Variants in EFHB observed in about 807,000 individuals in gnomAD.
EFHB encodes EF-hand domain-containing family member B.
A neutral mutation model predicts 87.2 loss-of-function variants in EFHB; 91 were observed. The ratio of observed to expected loss-of-function variants is 1.04; its 90% confidence interval spans 0.88 to 1.24. The LOEUF is 1.24. Ranked by LOEUF, EFHB falls within the 50% of genes most tolerant of loss-of-function variation. EFHB has a pLI of 0.00. For missense variants in EFHB, 1,084 were observed against 998.8 expected, an observed-to-expected ratio of 1.09 and a Z score of -1.15; for synonymous variants, 325 against 333.6, an observed-to-expected ratio of 0.97 and a Z score of 0.28.
Position 19,918,335 on chromosome 3 carries a change from A to C in EFHB, c.1074T>G (p.Leu358=). The part of the protein sequence containing the change: ...KIKDKKESIY[L]SNRRAPLGKS... ...TTCCTAATGGTGCTCGTCGATTGCT[A>C]AGATATATAGATTCTTTTTTATCTT... is the stretch of plus-strand genomic sequence containing the variant. The change falls in exon 4 of 13, where the codon CTT becomes CTG. Residue 358 remains leucine, a synonymous_variant. Transcript: ENST00000295824. 5 of 1,613,128 alleles carry C rather than the reference A, an allele frequency of 3.1e-6. No homozygotes were observed. The highest frequency in any genetic ancestry group is 4.2e-6 in the Non-Finnish European group (5 of 1,179,524).
intron 1 of EFHB, chr3:19,942,028 G>T (rs1559481087): frequency 6.6e-6 from 1 of 151,516 alleles, no homozygotes; most frequent in Non-Finnish European, 1.5e-5. Flanking sequence ...CGTGGTGGTG[G>T]GCACCTGTAA....
intron 1 of EFHB, among the ~76,000 whole-genome samples, chr3:19,926,872 C>A (rs1695649405): frequency 6.6e-6 from 1 of 151,812 alleles, no homozygotes; most frequent in African/African-American, 2.4e-5. Context: ...GTTGGTCAGG[C>A]TGGTCTCGAA....
intron 12 of EFHB, among the ~76,000 whole-genome samples, chr3:19,880,154 G>C (rs1420533126): frequency 6.6e-6 from 1 of 152,012 alleles, no homozygotes; most frequent in African/African-American, 2.4e-5. Flanking sequence ...GACTTGCTAG[G>C]TTTGAGTTCC....
chr3:19,926,452 C>A (rs565528127), intron 1 of EFHB, among the ~76,000 whole-genome samples: 1 of 152,284 alleles, frequency 6.6e-6, no homozygotes, highest in Non-Finnish European at 1.5e-5. Context: ...CAAGCTCCAC[C>A]TCCCAGGTTC....
chr3:19,905,878 A>G (rs528567885), intron 5 of EFHB, 129 bp from the exon 6 acceptor site: 104 of 1,145,316 alleles, frequency 9.1e-5, no homozygotes, highest in Non-Finnish European at 1.2e-4. Context: ...AACAGTGCAG[A>G]AACTGCACAG....
At chr3:19,943,800 A>G (rs1380859036) in intron 1 of EFHB, among the ~76,000 whole-genome samples, 1 of 152,088 alleles carries the variant, frequency 6.6e-6, no homozygotes, top group African/African-American at 2.4e-5. Flanking sequence ...GTATAACCCA[A>G]CCCCTATCTC....
Position 19,918,221 on chromosome 3 carries a change from T to G in EFHB, c.1177+11A>C, listed in dbSNP as rs1238781028. The G allele has an allele frequency of 6.4e-7, 1 of 1,550,516 alleles. No homozygotes were observed. Among genetic ancestry groups the G allele is most frequent in the African/African-American group, 1.4e-5 (1 of 71,492 alleles). On this transcript the variant is annotated intron_variant, in intron 4 of 12. Transcript: ENST00000295824. The stretch of plus-strand genomic sequence containing the variant: ...CAGCCCCTTCCCACCCCTTATTTTT[T>G]TTTTTACTACCTTTGATGACTGCTG...
At chr3:19,919,765 A>T in intron 3 of EFHB, 68 bp downstream of exon 3, 2 of 1,473,114 alleles carry the variant, frequency 1.4e-6, no homozygotes, top group Non-Finnish European at 1.9e-6. Flanking sequence ...AATTTCACTA[A>T]TACCTGATTT....
chr3:19,908,650 AAG>A (rs1445604787), intron 5 of EFHB, among the ~76,000 whole-genome samples: 1 of 149,740 alleles, frequency 6.7e-6, no homozygotes, highest in East Asian at 2.0e-4. Flanking sequence ...GAAAGAAAGA[AAG>A]AAAAAGAAAG....
chr3:19,923,216 G>A (rs1248550930), intron 1 of EFHB, among the ~76,000 whole-genome samples: 1 of 151,378 alleles, frequency 6.6e-6, no homozygotes, highest in East Asian at 2.0e-4. Context: ...GCAGTGAGCC[G>A]AGATTGCGCC....
chr3:19,940,176 G>GA (rs917991982), intron 1 of EFHB: 3 of 156,150 alleles, frequency 1.9e-5, no homozygotes, highest in East Asian at 1.9e-4. Flanking sequence ...GATCAAAAAA[G>GA]AAAAAAAACT....
intron 9 of EFHB, among the ~76,000 whole-genome samples, chr3:19,889,061 G>C (rs570373479): frequency 6.6e-6 from 1 of 152,330 alleles, no homozygotes; most frequent in East Asian, 1.9e-4. Flanking sequence ...ATGGGCAAGA[G>C]GGAAATGCTA....
intron 1 of EFHB, chr3:19,941,009 A>C (rs1408160147): frequency 3.2e-6 from 1 of 315,384 alleles, no homozygotes; most frequent in African/African-American, 2.2e-5. Context: ...AAGAGCAACA[A>C]ATCTTGAGCA....
At chr3:19,930,295 G>T (rs1695786269) in intron 1 of EFHB, among the ~76,000 whole-genome samples, 1 of 152,090 alleles carries the variant, frequency 6.6e-6, no homozygotes, top group African/African-American at 2.4e-5. Context: ...TTCTAACAAA[G>T]TTAGAATCCC....
At chr3:19,929,064 T>A (rs1575046132) in intron 1 of EFHB, among the ~76,000 whole-genome samples, 1 of 152,318 alleles carries the variant, frequency 6.6e-6, no homozygotes, top group Non-Finnish European at 1.5e-5. Flanking sequence ...AACAAATTAT[T>A]ATGATTTTTA....
At chr3:19,919,632 T>A (rs923149092) in intron 3 of EFHB, among the ~76,000 whole-genome samples, 3 of 152,176 alleles carry the variant, frequency 2.0e-5, no homozygotes, top group African/African-American at 7.2e-5. Context: ...AACTATTAAT[T>A]TCTTCACACT....
At chr3:19,892,182 A>G (rs1421767024) in intron 9 of EFHB, among the ~76,000 whole-genome samples, 7 of 152,206 alleles carry the variant, frequency 4.6e-5, no homozygotes, top group African/African-American at 9.6e-5. Flanking sequence ...CAGTCTGTCA[A>G]TGGGGTGCAC....
chr3:19,942,750 G>GC lies in EFHB; in HGVS notation c.-32+4168dup, dbSNP rs527887377. Among the ~76,000 whole-genome samples the GC allele has an allele frequency of 1.0e-3, 158 of 152,234 alleles. 2 individuals are homozygous for GC. Among genetic ancestry groups the GC allele is most frequent in the African/African-American group, 3.6e-3 (150 of 41,536 alleles). On this transcript the variant is annotated intron_variant, in intron 1 of 14. Transcript: ENST00000344838. Reference sequence around the variant, plus strand: ...AAGAAGTGCTAGATCCCTTGTGTGTGCAATTCACAATAGAGTTCACACTCC... The same window carrying GC: ...AAGAAGTGCTAGATCCCTTGTGTGTGCCAATTCACAATAGAGTTCACACTCC...
rs761850531 is a variant in EFHB at position 19,918,378 on chromosome 3, G to T, written c.1031C>A (p.Thr344Lys). 1 of 1,610,958 alleles carries T rather than the reference G, an allele frequency of 6.2e-7. No individual in the cohort carries two copies. Among genetic ancestry groups the T allele is most frequent in the South Asian group, 1.1e-5 (1 of 89,998 alleles). The change falls in exon 4 of 13, where the codon ACA (threonine) becomes AAA (lysine). Residue 344 changes from threonine (T) to lysine (K), a missense_variant. By Grantham distance (78) the Thr-to-Lys change is moderately conservative (BLOSUM62 -1). Coordinates refer to ENST00000295824, the MANE Select transcript of EFHB (RefSeq NM_144715.4). ...TTTATCTTTAATTTTCTGTTGAAAT[G>T]TGGTAATAGGCTGTGGGTTTATCAA... ...NTLINPQPIT[T>K]FQQKIKDKKE...
Sources: gnomAD v4.1 joint callset for allele counts (sites outside exome capture counted in the v4.1 genomes callset) on GRCh38, gnomAD v4.1.1 for gene constraint, MANE v1.5 for transcripts, NCBI Gene and HGNC (gene_info 2026-07-23, HGNC 2026-07-21) for gene names.